LPCAT1: variants seen among roughly 807,000 people sequenced by gnomAD.
LPCAT1 encodes the protein 1-acylglycerol-3-phosphate O-acyltransferase.
A neutral mutation model predicts 60.9 loss-of-function variants in LPCAT1; 23 were observed. The observed-to-expected ratio is 0.38, with a 90% confidence interval of 0.27 to 0.53. The LOEUF (loss-of-function observed/expected upper bound fraction) is 0.53, where lower values mean the gene tolerates loss of function less well. LPCAT1 is among the 20% of genes least tolerant of loss of function. The pLI is 0.82. For missense variants in LPCAT1, 622 were observed against 723.6 expected, an observed-to-expected ratio of 0.86 and a Z score of 1.61; for synonymous variants, 340 against 301.1, an observed-to-expected ratio of 1.13 and a Z score of -1.34.
At position 1,502,998 on chromosome 5, in the gene LPCAT1, G is replaced by T. The variant is rs1258923122; in HGVS notation, c.136-1395C>A. Among the ~76,000 whole-genome samples the T allele has an allele frequency of 6.6e-6, 1 of 152,128 alleles. No homozygotes were observed. The highest frequency in any genetic ancestry group is 2.4e-5 in the African/African-American group (1 of 41,402). On this transcript the variant is annotated intron_variant, in intron 1 of 13. Transcript: ENST00000283415. This position sits in a 1 kb window ranked among gnomAD's most constrained non-coding sequence, Gnocchi z 5.5. ...GTACTCAACGTAGAAGTTGCTACTG[G>T]CTAGTTTGCATTTTCTCCCGCTGTC... is the stretch of plus-strand genomic sequence containing the variant.
At chr5:1,490,610 AGCTTTGTGGT>A (rs1258256652) in intron 3 of LPCAT1, among the ~76,000 whole-genome samples, 5 of 152,122 alleles carry the variant, frequency 3.3e-5, no homozygotes, top group Non-Finnish European at 7.4e-5. Context: ...CTAAGCCACC[AGCTTTGTGGT>A]GCTTTGTAGC....
chr5:1,484,372 T>C (rs759420852), intron 5 of LPCAT1, among the ~76,000 whole-genome samples: 6 of 152,252 alleles, frequency 3.9e-5, no homozygotes, highest in Non-Finnish European at 7.3e-5. Context: ...TTAAATTCTA[T>C]TTAAATCTCT....
In LPCAT1 at chr5:1,487,371, C is replaced by A. The variant is rs1644557525; in HGVS notation, c.667+1020G>T. On this transcript the variant is annotated intron_variant, in intron 5 of 13. Coordinates refer to ENST00000283415, the MANE Select transcript of LPCAT1 (RefSeq NM_024830.5). The surrounding 1 kb of genome is among the most constrained non-coding windows in gnomAD (Gnocchi z 6.1). The stretch of plus-strand genomic sequence containing the variant: ...GACTCAGAACCACGCGTGGTGAAGA[C>A]AATGGAACGGGAAGACCCAGTACCT... Among the ~76,000 whole-genome samples, 2 of 152,204 alleles carry A rather than the reference C, an allele frequency of 1.3e-5. No individual in the cohort carries two copies. Among genetic ancestry groups the A allele is most frequent in the Non-Finnish European group, 1.5e-5 (1 of 68,028 alleles).
At position 1,515,724 on chromosome 5, in the gene LPCAT1, G is replaced by C. The variant is rs1736488983; in HGVS notation, c.135+7986C>G. 2.6e-5 allele frequency among the ~76,000 whole-genome samples: 4 copies of C among 151,270 alleles called. No individual in the cohort carries two copies. The South Asian group carries it at 6.3e-4, about 24-fold the overall frequency. Reference sequence around the variant, plus strand: ...CCTGTACACCCTGCTCCACACTACGGGCAAATACAGGGGGCCCCCCGGAAC... The same window carrying C: ...CCTGTACACCCTGCTCCACACTACGCGCAAATACAGGGGGCCCCCCGGAAC... On this transcript the variant is annotated intron_variant, in intron 1 of 13. Transcript: ENST00000283415.
At position 1,480,834 on chromosome 5, in the gene LPCAT1, C is replaced by A; in HGVS notation, c.761+108G>T. The A allele has an allele frequency of 7.4e-7, 1 of 1,353,078 alleles. No homozygotes were observed. The highest frequency in any genetic ancestry group is 1.2e-5 in the South Asian group (1 of 85,942). 83.8% of individuals were successfully genotyped at this position (1,353,078 alleles called of 1,614,324 possible). ...GGCTGAACCTAACGGCTGTCCCACACCTGCTTTCACAACTGCAAAAGTAAC... is the reference window on the plus strand; with the variant it reads ...GGCTGAACCTAACGGCTGTCCCACAACTGCTTTCACAACTGCAAAAGTAAC... On this transcript the variant is annotated intron_variant, in intron 7 of 13. Coordinates refer to ENST00000283415, the MANE Select transcript of LPCAT1 (RefSeq NM_024830.5). The surrounding 1 kb of genome is among the most constrained non-coding windows in gnomAD (Gnocchi z 6.4).
chr5:1,519,656 G>A (rs1168293996), intron 1 of LPCAT1, among the ~76,000 whole-genome samples: 3 of 152,218 alleles, frequency 2.0e-5, no homozygotes, highest in Non-Finnish European at 4.4e-5. Context: ...GGGCCTCTGT[G>A]TCCTCACCTG....
chr5:1,508,595 T>C (rs899743957), intron 1 of LPCAT1, among the ~76,000 whole-genome samples: 3 of 152,142 alleles, frequency 2.0e-5, no homozygotes, highest in Non-Finnish European at 4.4e-5. Flanking sequence ...GCCTCCAGGA[T>C]GGTGAGACAA....
At position 1,521,013 on chromosome 5, in the gene LPCAT1, C is replaced by A. The variant is rs761232329; in HGVS notation, c.135+2697G>T. On this transcript the variant is annotated intron_variant, in intron 1 of 13. Coordinates refer to ENST00000283415, the MANE Select transcript of LPCAT1 (RefSeq NM_024830.5). The surrounding 1 kb of genome is among the most constrained non-coding windows in gnomAD (Gnocchi z 4.3). ...CAGAAACCACTTCATGACTCCAAAA[C>A]GATATATGAATGTGTGACTATGAAG... Among the ~76,000 whole-genome samples the A allele has an allele frequency of 6.6e-6, 1 of 151,932 alleles. No homozygotes were observed. The highest frequency in any genetic ancestry group is 2.4e-5 in the African/African-American group (1 of 41,350).
intron 5 of LPCAT1, among the ~76,000 whole-genome samples, chr5:1,485,960 C>T (rs140865211): frequency 0.012 from 1,816 of 152,308 alleles, 16 homozygotes; most frequent in Non-Finnish European, 0.018. Flanking sequence ...GCTGGGCCCA[C>T]GCAGCATCCT....
At chr5:1,515,477 G>C (rs1736480881) in intron 1 of LPCAT1, among the ~76,000 whole-genome samples, 1 of 85,024 alleles carries the variant, frequency 1.2e-5, no homozygotes, top group South Asian at 3.3e-4. Context: ...AGAACATCCT[G>C]GCCCAAGTCC....
At chr5:1,498,138 G>A (rs1735860353) in intron 2 of LPCAT1, among the ~76,000 whole-genome samples, 1 of 152,218 alleles carries the variant, frequency 6.6e-6, no homozygotes, top group Admixed American at 6.5e-5. Flanking sequence ...CAAAACTGCA[G>A]AGCAGTGCAT....
chr5:1,488,884 G>A (rs1172334043), intron 4 of LPCAT1, among the ~76,000 whole-genome samples: 4 of 152,254 alleles, frequency 2.6e-5, no homozygotes, highest in African/African-American at 9.6e-5. Flanking sequence ...TGGAGCCGAA[G>A]GAGGGCTGGG....
chr5:1,475,231 C>T (rs547635830), intron 9 of LPCAT1, among the ~76,000 whole-genome samples: 40 of 152,348 alleles, frequency 2.6e-4, no homozygotes, highest in African/African-American at 7.9e-4. Context: ...AGTTGAGAGC[C>T]GCTGAAGTTC....
intron 3 of LPCAT1, among the ~76,000 whole-genome samples, chr5:1,493,064 G>C (rs985380939): frequency 6.6e-6 from 1 of 152,248 alleles, no homozygotes; most frequent in African/African-American, 2.4e-5. Flanking sequence ...TGCAGAGCGG[G>C]GAAACCTGCG....
intron 1 of LPCAT1, among the ~76,000 whole-genome samples, chr5:1,503,759 G>A (rs912877920): frequency 1.3e-5 from 2 of 151,722 alleles, no homozygotes; most frequent in South Asian, 4.2e-4. Context: ...TGACTTCACT[G>A]TTTTTGTCAA....
chr5:1,521,564 G>C lies in LPCAT1; in HGVS notation c.135+2146C>G. The C allele has an allele frequency of 1.2e-6, 1 of 831,226 alleles. No homozygotes were observed. The highest frequency in any genetic ancestry group is 5.5e-5 in the South Asian group (1 of 18,124). 51.5% of individuals were successfully genotyped at this position (831,226 alleles called of 1,614,324 possible). ...GCAAAATGTTTCTGCAGAGAACTTT[G>C]AGAACGTTTACAAACTAAACCCTTG... On this transcript the variant is annotated intron_variant, in intron 1 of 13. Transcript: ENST00000283415. This position sits in a 1 kb window ranked among gnomAD's most constrained non-coding sequence, Gnocchi z 4.3.
intron 1 of LPCAT1, among the ~76,000 whole-genome samples, chr5:1,512,966 G>A (rs1316219200): frequency 2.0e-5 from 3 of 152,306 alleles, no homozygotes; most frequent in East Asian, 1.9e-4. Context: ...GGCACGCGCC[G>A]GCATCCTGGT....
chr5:1,512,260 A>G (rs1328907391), intron 1 of LPCAT1, among the ~76,000 whole-genome samples: 2 of 152,138 alleles, frequency 1.3e-5, no homozygotes, highest in Non-Finnish European at 2.9e-5. Context: ...TCCATGCCCC[A>G]TGTCCAATCA....
At chr5:1,489,126 G>T (rs1036874750) in intron 4 of LPCAT1, among the ~76,000 whole-genome samples, 6 of 152,236 alleles carry the variant, frequency 3.9e-5, no homozygotes, top group Non-Finnish European at 8.8e-5. Context: ...CCAAATGGGT[G>T]GGGGAGGAGA....
Sources: allele counts gnomAD v4.1 joint callset (sites outside exome capture counted in the v4.1 genomes callset), GRCh38; gene constraint gnomAD v4.1.1; non-coding constraint Gnocchi (gnomAD v3.1); transcripts MANE v1.5; gene names NCBI Gene and HGNC (gene_info 2026-07-23, HGNC 2026-07-21).